SORCS3: variants seen among roughly 807,000 people sequenced by gnomAD.
SORCS3 encodes sortilin related VPS10 domain containing receptor 3, also known as VPS10 domain-containing receptor SorCS3.
A neutral mutation model predicts 146.3 loss-of-function variants in SORCS3; 57 were observed. The observed-to-expected ratio is 0.39, with a 90% CI of 0.31 to 0.49. The LOEUF is 0.49. Among genes scored for constraint, SORCS3 ranks in the 20% least tolerant of loss-of-function variants. The probability of loss-of-function intolerance (pLI) is 0.92; values close to 1 mark genes in which losing one functional copy is unlikely to be tolerated. For missense variants in SORCS3, 1,341 were observed against 1,575.5 expected (o/e 0.85, Z 2.52); for synonymous variants, 653 against 618.5 (o/e 1.06, Z -0.83).
chr10:104,977,602 T>C (rs1589576031), intron 4 of SORCS3, 109 bp downstream of exon 4: 1 of 1,034,380 alleles, frequency 9.7e-7, no homozygotes, highest in Middle Eastern at 2.3e-4. Context: ...CATTTCATCA[T>C]TCCAACCCAA....
intron 2 of SORCS3, among the ~76,000 whole-genome samples, chr10:104,856,270 G>A (rs1372716254): frequency 3.3e-5 from 5 of 149,974 alleles, no homozygotes; most frequent in Non-Finnish European, 5.9e-5. Flanking sequence ...CTAATTGGTT[G>A]GTCTCTCTCT....
rs1394992641 is a variant in SORCS3 at position 105,178,165 on chromosome 10, C to T, written c.2001C>T (p.His667=). ...GALVEAGMET[H]IMTVFGHFSL... Reference sequence around the variant, plus strand: ...TGGTGGAGGCAGGAATGGAGACCCACATCATGACGTGAGTACTTCTTTTGC... The same window carrying T: ...TGGTGGAGGCAGGAATGGAGACCCATATCATGACGTGAGTACTTCTTTTGC... The change falls in exon 14 of 27, where the codon CAC becomes CAT. Residue 667 remains histidine, a synonymous_variant. Coordinates refer to ENST00000369701, the MANE Select transcript of SORCS3 (RefSeq NM_014978.3). The T allele has an allele frequency of 1.9e-6, 3 of 1,610,594 alleles. No individual in the cohort carries two copies. The highest frequency in any genetic ancestry group is 1.7e-4 in the Middle Eastern group (1 of 6,054).
At chr10:104,848,619 T>A (rs2018234747) in intron 2 of SORCS3, among the ~76,000 whole-genome samples, 1 of 152,190 alleles carries the variant, frequency 6.6e-6, no homozygotes, top group Non-Finnish European at 1.5e-5. Context: ...TCTTTATATG[T>A]GAGGTCCCGA....
chr10:104,717,416 C>T (rs2016492919), intron 1 of SORCS3, among the ~76,000 whole-genome samples: 1 of 151,912 alleles, frequency 6.6e-6, no homozygotes, highest in African/African-American at 2.4e-5. Context: ...CCTTTTCCTA[C>T]TCAGAGCATT....
Position 105,000,971 on chromosome 10 carries a change from G to T in SORCS3, c.954+23478G>T, listed in dbSNP as rs571900992. On this transcript the variant is annotated intron_variant, in intron 4 of 26. Coordinates refer to ENST00000369701, the MANE Select transcript of SORCS3 (RefSeq NM_014978.3). ...ATTTTTGAGGTCTTAGTTTGATTTT[G>T]ACACTCAGCAATTTAATTCGAGGCT... Among the ~76,000 whole-genome samples, 15 of 152,246 alleles carry T rather than the reference G, an allele frequency of 9.9e-5. No individual in the cohort carries two copies. The South Asian group carries it at 3.1e-3, about 32-fold the overall frequency.
chr10:105,164,307 C>A lies in SORCS3; in HGVS notation c.1737C>A (p.Asn579Lys). 1 of 1,612,968 alleles carries A rather than the reference C, an allele frequency of 6.2e-7. No homozygotes were observed. Among genetic ancestry groups the A allele is most frequent in the Non-Finnish European group, 8.5e-7 (1 of 1,179,064 alleles). The change falls in exon 12 of 27, where the codon AAC becomes AAA. Residue 579 changes from asparagine (N) to lysine (K), a missense_variant. Physicochemically the swap from Asn to Lys is moderately conservative, Grantham distance 94. Transcript: ENST00000369701. ...AATGATCTGCTTATGTTTCAGGCAA[C>A]ATTGGCCCGGAGCTCTCATATACTG... ...TAPGLVVATG[N>K]IGPELSYTDI...
chr10:104,856,407 A>G (rs2018332379), intron 2 of SORCS3, among the ~76,000 whole-genome samples: 1 of 145,890 alleles, frequency 6.9e-6, no homozygotes, highest in Non-Finnish European at 1.5e-5. Flanking sequence ...GAGAGAGACC[A>G]CTGTTATATG....
At chr10:104,737,538 A>T (rs1295396548) in intron 1 of SORCS3, among the ~76,000 whole-genome samples, 2 of 152,036 alleles carry the variant, frequency 1.3e-5, no homozygotes, top group African/African-American at 4.8e-5. Flanking sequence ...AGTGATGGTG[A>T]GCATTTTTTC....
chr10:105,157,351 G>T, intron 10 of SORCS3, 67 bp downstream of exon 10: 1 of 1,583,958 alleles, frequency 6.3e-7, no homozygotes, highest in South Asian at 1.1e-5. Flanking sequence ...TGTGTCGAGG[G>T]CTTTGTTTCG....
intron 1 of SORCS3, among the ~76,000 whole-genome samples, chr10:104,740,689 A>G (rs1405961619): frequency 6.6e-6 from 1 of 152,188 alleles, no homozygotes; most frequent in African/African-American, 2.4e-5. Context: ...CAGAGGTTTT[A>G]TAAAAGACAC....
chr10:104,897,527 T>C (rs777700767), intron 2 of SORCS3, among the ~76,000 whole-genome samples: 1 of 152,236 alleles, frequency 6.6e-6, no homozygotes, highest in Non-Finnish European at 1.5e-5. Flanking sequence ...ATCAATGTAC[T>C]TCTCTTTAAA....
At chr10:104,652,036 C>A (rs1258384107) in intron 1 of SORCS3, among the ~76,000 whole-genome samples, 4 of 149,400 alleles carry the variant, frequency 2.7e-5, no homozygotes, top group Non-Finnish European at 5.9e-5. Context: ...TGGGATTAAA[C>A]CCCAGTTTTA....
intron 1 of SORCS3, among the ~76,000 whole-genome samples, chr10:104,812,633 C>T (rs1279536046): frequency 1.3e-5 from 2 of 152,182 alleles, no homozygotes; most frequent in South Asian, 4.1e-4. Context: ...CCTGAAAACT[C>T]CAGCCCCTAA....
At chr10:104,859,397 C>T (rs1589526405) in intron 2 of SORCS3, among the ~76,000 whole-genome samples, 3 of 152,124 alleles carry the variant, frequency 2.0e-5, no homozygotes, top group African/African-American at 4.8e-5. Context: ...CCCTTGCTTA[C>T]ACCTTATACA....
chr10:104,894,318 G>T (rs2018777838), intron 2 of SORCS3, among the ~76,000 whole-genome samples: 1 of 152,208 alleles, frequency 6.6e-6, no homozygotes, highest in Non-Finnish European at 1.5e-5. Flanking sequence ...CAATTGCTGA[G>T]ATTCAACTGT....
intron 4 of SORCS3, among the ~76,000 whole-genome samples, chr10:105,032,196 AAAAG>A (rs1344141015): frequency 1.3e-5 from 2 of 152,200 alleles, no homozygotes; most frequent in Non-Finnish European, 2.9e-5. Flanking sequence ...CCATTTTAAA[AAAAG>A]AAAGAAAGAA....
chr10:104,696,351 C>A (rs1166807514), intron 1 of SORCS3, among the ~76,000 whole-genome samples: 1 of 34 alleles, frequency 0.029, no homozygotes, highest in African/African-American at 0.05. Flanking sequence ...TGATATATAT[C>A]ATATATATAT....
At chr10:104,911,373 G>T (rs771750195) in intron 2 of SORCS3, among the ~76,000 whole-genome samples, 1 of 152,238 alleles carries the variant, frequency 6.6e-6, no homozygotes, top group Non-Finnish European at 1.5e-5. Flanking sequence ...GGTGTCCTTT[G>T]TTGGGCAGTC....
chr10:104,676,440 T>G (rs540747499), intron 1 of SORCS3, among the ~76,000 whole-genome samples: 179 of 152,270 alleles, frequency 1.2e-3, no homozygotes, highest in Non-Finnish European at 2.1e-3. Flanking sequence ...AAAGCTAATA[T>G]GTAGAAGGAA....
Sources: allele counts gnomAD v4.1 joint callset (sites outside exome capture counted in the v4.1 genomes callset), GRCh38; gene constraint gnomAD v4.1.1; transcripts MANE v1.5; gene names NCBI Gene and HGNC (gene_info 2026-07-23, HGNC 2026-07-21).